The following PRKACB variants were observed in gnomAD, a reference collection of about 807,000 sequenced individuals.
PRKACB encodes the protein protein kinase cAMP-activated catalytic subunit beta.
PRKACB carries 16 observed loss-of-function variants against 51.4 expected under a neutral mutation model. The ratio of observed to expected loss-of-function variants is 0.31; its 90% CI spans 0.21 to 0.47. PRKACB has a LOEUF of 0.47. Among genes scored for constraint, PRKACB ranks in the 20% least tolerant of loss-of-function variants. The pLI, the probability that PRKACB is intolerant of heterozygous loss-of-function variation, is 1.00. For synonymous variants in PRKACB, 147 were observed against 154.4 expected (o/e 0.95, Z 0.35); for missense variants, 309 against 464.5 (o/e 0.67, Z 3.08).
intron 1 of PRKACB, chr1:84,085,994 C>T: frequency 1.4e-6 from 1 of 739,278 alleles, no homozygotes; most frequent in Non-Finnish European, 2.5e-6. Context: ...TTTCCACGCA[C>T]AGTGGTGTGG....
At chr1:84,231,529 C>T (rs1297636241) in intron 9 of PRKACB, among the ~76,000 whole-genome samples, 5 of 152,232 alleles carry the variant, frequency 3.3e-5, no homozygotes, top group East Asian at 1.9e-4. Flanking sequence ...TGGTAGAATT[C>T]GGCTGTGAAT....
chr1:84,129,754 G>T (rs1651987979), intron 1 of PRKACB, among the ~76,000 whole-genome samples: 1 of 152,154 alleles, frequency 6.6e-6, no homozygotes, highest in Admixed American at 6.5e-5. Flanking sequence ...AGTAGCTGTA[G>T]AAAGACTTTG....
chr1:84,192,085 A>G (rs543897092), intron 5 of PRKACB, among the ~76,000 whole-genome samples: 1 of 152,264 alleles, frequency 6.6e-6, no homozygotes, highest in East Asian at 1.9e-4. Context: ...AACTTTAATC[A>G]TGAGATAGTA....
At chr1:84,181,152 G>C (rs1162906099) in intron 2 of PRKACB, among the ~76,000 whole-genome samples, 1 of 151,964 alleles carries the variant, frequency 6.6e-6, no homozygotes, top group African/African-American at 2.4e-5. Context: ...AAGCTAAAAT[G>C]GGTCTCAAAA....
At chr1:84,083,893 G>A (rs1647752184) in intron 1 of PRKACB, among the ~76,000 whole-genome samples, 1 of 152,024 alleles carries the variant, frequency 6.6e-6, no homozygotes, top group Non-Finnish European at 1.5e-5. Context: ...CCTTTATTCA[G>A]TACACATAAT....
chr1:84,201,181 A>G (rs1670001772), intron 7 of PRKACB, among the ~76,000 whole-genome samples: 1 of 152,142 alleles, frequency 6.6e-6, no homozygotes, highest in African/African-American at 2.4e-5. Flanking sequence ...CCATTAGTGT[A>G]TTATAGTGCC....
intron 1 of PRKACB, among the ~76,000 whole-genome samples, chr1:84,153,297 A>G (rs1176567516): frequency 1.3e-5 from 2 of 152,194 alleles, no homozygotes; most frequent in Admixed American, 6.6e-5. Context: ...TTAAAATGTG[A>G]CACAGAGACA....
intron 1 of PRKACB, among the ~76,000 whole-genome samples, chr1:84,107,164 A>G (rs1459445682): frequency 1.3e-5 from 2 of 152,138 alleles, no homozygotes; most frequent in South Asian, 4.1e-4. Context: ...TTTAAAACAT[A>G]TATAAAATGG....
At position 84,235,498 on chromosome 1, in the gene PRKACB, A is replaced by C. The variant is rs1427221933; in HGVS notation, c.*193A>C. On this transcript the variant is annotated 3_prime_UTR_variant, in exon 10 of 10. Coordinates refer to ENST00000370685, the MANE Select transcript of PRKACB (RefSeq NM_182948.4). Reference sequence around the variant, plus strand: ...TGTAACAAGGCACCGCTAAGCAAGCATTGTCTGTGCCATAACACAGTACTA... The same window carrying C: ...TGTAACAAGGCACCGCTAAGCAAGCCTTGTCTGTGCCATAACACAGTACTA... 1.1e-5 allele frequency: 7 copies of C among 641,980 alleles called. No homozygotes were observed. The highest frequency in any genetic ancestry group is 8.9e-5 in the East Asian group (3 of 33,894). 39.8% of individuals were successfully genotyped at this position (641,980 alleles called of 1,614,324 possible). A position where few individuals can be genotyped will look rare whatever the true frequency, so the allele number is the denominator to read the frequency against.
intron 1 of PRKACB, among the ~76,000 whole-genome samples, chr1:84,121,201 ATTTG>A (rs1174133940): frequency 1.3e-5 from 2 of 151,878 alleles, no homozygotes; most frequent in African/African-American, 4.8e-5. Flanking sequence ...GATTTAGTGT[ATTTG>A]TTACAAAAAA....
chr1:84,179,863 G>C (rs924500310), intron 2 of PRKACB, among the ~76,000 whole-genome samples: 7 of 151,228 alleles, frequency 4.6e-5, no homozygotes, highest in Admixed American at 1.3e-4. Context: ...TTGTTACATA[G>C]GTATAAATAT....
intron 9 of PRKACB, among the ~76,000 whole-genome samples, chr1:84,229,085 C>A (rs1440130505): frequency 1.6e-5 from 2 of 125,422 alleles, no homozygotes; most frequent in African/African-American, 3.1e-5. Context: ...TCCCCCCTCC[C>A]CCCACCCCGT....
intron 9 of PRKACB, among the ~76,000 whole-genome samples, chr1:84,227,276 A>G (rs1208858113): frequency 1.3e-5 from 2 of 152,034 alleles, no homozygotes; most frequent in Admixed American, 1.3e-4. Context: ...GGTCTCTTCA[A>G]GTTTTTACTT....
At chr1:84,185,017 A>G (rs976584148) in intron 4 of PRKACB, 83 bp from the exon 5 acceptor site, 2 of 748,864 alleles carry the variant, frequency 2.7e-6, no homozygotes, top group East Asian at 3.5e-5. Context: ...GAGATTTTAA[A>G]TTTTTCTAAT....
intron 1 of PRKACB, among the ~76,000 whole-genome samples, chr1:84,138,335 A>G (rs1471348764): frequency 6.6e-6 from 1 of 152,158 alleles, no homozygotes; most frequent in Admixed American, 6.5e-5. Context: ...AAAATAAATA[A>G]TGTAATGTTG....
intron 3 of PRKACB, 149 bp downstream of exon 3, chr1:84,182,477 G>A (rs1663819247): frequency 5.3e-6 from 3 of 567,868 alleles, no homozygotes; most frequent in Non-Finnish European, 7.6e-6. Context: ...AATTTTTATT[G>A]TAACTATATT....
At chr1:84,217,457 A>G (rs1156510073) in intron 9 of PRKACB, among the ~76,000 whole-genome samples, 1 of 151,966 alleles carries the variant, frequency 6.6e-6, no homozygotes, top group Non-Finnish European at 1.5e-5. Flanking sequence ...GTTGCTACAT[A>G]CTACATAATT....
chr1:84,209,509 G>GA (rs1671825742), intron 8 of PRKACB, among the ~76,000 whole-genome samples: 2 of 152,046 alleles, frequency 1.3e-5, no homozygotes, highest in Non-Finnish European at 2.9e-5. Context: ...TTTGTCTTTA[G>GA]AATTTACAGA....
At chr1:84,180,183 G>GATATATATATAT (rs3051182) in intron 2 of PRKACB, among the ~76,000 whole-genome samples, 1,683 of 32,000 alleles carry the variant, frequency 0.053, 342 homozygotes, top group East Asian at 0.14. Flanking sequence ...AAGAAACTGT[G>GATATATATATAT]ATATATATAT....
Sources: gnomAD v4.1 joint callset for allele counts (sites outside exome capture counted in the v4.1 genomes callset) on GRCh38, gnomAD v4.1.1 for gene constraint, MANE v1.5 for transcripts, NCBI Gene and HGNC (gene_info 2026-07-23, HGNC 2026-07-21) for gene names.